GALNTL6: variants seen among roughly 807,000 people sequenced by gnomAD.
GALNTL6 encodes the protein polypeptide N-acetylgalactosaminyltransferase-like 6.
In GALNTL6, 46 loss-of-function variants were observed where a neutral mutation model predicts 73.7. The ratio of observed to expected loss-of-function variants is 0.62; its 90% CI spans 0.49 to 0.80. The LOEUF (loss-of-function observed/expected upper bound fraction) is 0.80, where lower values mean the gene tolerates loss of function less well. Ranked by LOEUF, GALNTL6 falls within the 30% of genes least tolerant of loss-of-function variation. The pLI is 0.00. For missense variants in GALNTL6, 604 were observed against 755.0 expected, an observed-to-expected ratio of 0.80 and a Z score of 2.34; for synonymous variants, 259 against 263.7, an observed-to-expected ratio of 0.98 and a Z score of 0.17.
intron 7 of GALNTL6, among the ~76,000 whole-genome samples, chr4:172,820,752 C>T (rs1741878915): frequency 6.6e-6 from 1 of 152,182 alleles, no homozygotes; most frequent in Non-Finnish European, 1.5e-5. Flanking sequence ...GCATGATCTC[C>T]ATGCAATTGC....
chr4:172,728,286 T>A (rs1735944518), intron 5 of GALNTL6, among the ~76,000 whole-genome samples: 1 of 152,186 alleles, frequency 6.6e-6, no homozygotes, highest in Non-Finnish European at 1.5e-5. Flanking sequence ...CATTTTACCT[T>A]CCTGGCCTCC....
At chr4:172,111,909 C>A (rs1304052579) in intron 2 of GALNTL6, among the ~76,000 whole-genome samples, 1 of 151,948 alleles carries the variant, frequency 6.6e-6, no homozygotes, top group Non-Finnish European at 1.5e-5. Context: ...GTTTGATAAA[C>A]CTATAATTAA....
At chr4:172,305,094 C>G (rs754312866) in intron 3 of GALNTL6, among the ~76,000 whole-genome samples, 1 of 152,132 alleles carries the variant, frequency 6.6e-6, no homozygotes, top group Non-Finnish European at 1.5e-5. Flanking sequence ...GTTATACTAT[C>G]CATATTTTCA....
At chr4:172,979,245 G>C (rs561661630) in intron 10 of GALNTL6, among the ~76,000 whole-genome samples, 3 of 152,260 alleles carry the variant, frequency 2.0e-5, no homozygotes, top group Admixed American at 6.5e-5. Context: ...CAAAATTATT[G>C]ATAATGGAAA....
chr4:171,943,397 T>C (rs561387714), intron 2 of GALNTL6, among the ~76,000 whole-genome samples: 62 of 152,290 alleles, frequency 4.1e-4, no homozygotes, highest in African/African-American at 1.5e-3. Context: ...ATTTCCAAGT[T>C]AGAGATGGAA....
At chr4:171,991,962 C>T (rs970569998) in intron 2 of GALNTL6, among the ~76,000 whole-genome samples, 2 of 151,740 alleles carry the variant, frequency 1.3e-5, no homozygotes, top group African/African-American at 4.8e-5. Context: ...ACAAGACCAG[C>T]TCTTGAGTAG....
chr4:172,771,345 G>C (rs1447319159), intron 5 of GALNTL6, among the ~76,000 whole-genome samples: 1 of 152,160 alleles, frequency 6.6e-6, no homozygotes, highest in African/African-American at 2.4e-5. Context: ...ACTGGGACAA[G>C]AGTTCTCTAA....
At chr4:172,196,069 A>G (rs1735757847) in intron 2 of GALNTL6, among the ~76,000 whole-genome samples, 1 of 151,710 alleles carries the variant, frequency 6.6e-6, no homozygotes, top group African/African-American at 2.4e-5. Flanking sequence ...AGAAAAAAAA[A>G]AGAGAGAATA....
intron 5 of GALNTL6, among the ~76,000 whole-genome samples, chr4:172,756,175 G>A (rs1195138366): frequency 6.6e-6 from 1 of 152,166 alleles, no homozygotes; most frequent in East Asian, 1.9e-4. Flanking sequence ...TTACAAAGTT[G>A]TTGTAAAGAA....
At chr4:172,725,320 A>G (rs924299619) in intron 5 of GALNTL6, among the ~76,000 whole-genome samples, 4 of 152,096 alleles carry the variant, frequency 2.6e-5, no homozygotes, top group Admixed American at 6.5e-5. Context: ...GCCACCCCCA[A>G]ACTTTTTCAC....
At chr4:172,470,663 C>T (rs572899992) in intron 5 of GALNTL6, among the ~76,000 whole-genome samples, 41 of 152,148 alleles carry the variant, frequency 2.7e-4, no homozygotes, top group African/African-American at 7.2e-4. Context: ...TTTGGAAAAG[C>T]CTTACTACTT....
At position 172,124,079 on chromosome 4, in the gene GALNTL6, A is replaced by C. The variant is rs113210478; in HGVS notation, c.139-105577A>C. Among the ~76,000 whole-genome samples the C allele has an allele frequency of 8.4e-3, 1,273 of 152,298 alleles. 18 individuals are homozygous for C. The highest frequency in any genetic ancestry group is 0.029 in the African/African-American group (1,205 of 41,558). On this transcript the variant is annotated intron_variant, in intron 2 of 12. Coordinates refer to ENST00000506823, the MANE Select transcript of GALNTL6 (RefSeq NM_001034845.3). ...GAGCCATAGTTAAAAATCTGATGGA[A>C]GTTTGTTATAATCAGCAATTGACAA...
chr4:172,218,984 G>GT (rs1293083087), intron 2 of GALNTL6, among the ~76,000 whole-genome samples: 2 of 151,156 alleles, frequency 1.3e-5, no homozygotes, highest in Non-Finnish European at 3.0e-5. Context: ...ATGAGATAAA[G>GT]TTTTTTATTT....
chr4:172,477,079 G>A (rs1288426168), intron 5 of GALNTL6, among the ~76,000 whole-genome samples: 8 of 151,174 alleles, frequency 5.3e-5, no homozygotes, highest in Non-Finnish European at 8.8e-5. Flanking sequence ...CCGCCACCAC[G>A]CCCGGCTAAT....
intron 7 of GALNTL6, among the ~76,000 whole-genome samples, chr4:172,822,772 T>C (rs1287723489): frequency 6.6e-6 from 1 of 152,186 alleles, no homozygotes. Flanking sequence ...ATGACTGTTT[T>C]TCGTAGGGGT....
intron 8 of GALNTL6, among the ~76,000 whole-genome samples, chr4:172,900,442 T>G (rs1241824592): frequency 1.3e-5 from 2 of 152,164 alleles, no homozygotes; most frequent in East Asian, 3.9e-4. Context: ...GATCCCTACC[T>G]AATGGTTTCT....
chr4:172,947,973 C>T (rs910943145), intron 9 of GALNTL6, among the ~76,000 whole-genome samples: 38 of 152,166 alleles, frequency 2.5e-4, no homozygotes, highest in African/African-American at 8.9e-4. Flanking sequence ...ATGTTTTCCC[C>T]AAAACTAAGT....
chr4:172,983,839 G>C (rs535647503), intron 10 of GALNTL6, among the ~76,000 whole-genome samples: 2 of 152,172 alleles, frequency 1.3e-5, no homozygotes, highest in Admixed American at 1.3e-4. Context: ...TACAAATGGA[G>C]GAGTGAGGCA....
intron 10 of GALNTL6, among the ~76,000 whole-genome samples, chr4:172,954,910 T>C (rs1049590781): frequency 6.6e-6 from 1 of 152,138 alleles, no homozygotes; most frequent in African/African-American, 2.4e-5. Context: ...TTCAGTTGAA[T>C]TTGTTCGGTG....
Sources: gnomAD v4.1 joint callset for allele counts (sites outside exome capture counted in the v4.1 genomes callset) on GRCh38, gnomAD v4.1.1 for gene constraint, MANE v1.5 for transcripts, NCBI Gene and HGNC (gene_info 2026-07-23, HGNC 2026-07-21) for gene names.